TFDP2: variants seen among roughly 807,000 people sequenced by gnomAD.
The protein encoded by TFDP2 is transcription factor Dp-2, also known as transcription factor Dp-2 (E2F dimerization partner 2).
A neutral mutation model predicts 59.3 loss-of-function variants in TFDP2; 17 were observed. The ratio of observed to expected loss-of-function variants is 0.29; its 90% confidence interval spans 0.20 to 0.43. The LOEUF (loss-of-function observed/expected upper bound fraction) is 0.43, where lower values mean the gene tolerates loss of function less well. Ranked by LOEUF, TFDP2 falls within the 20% of genes least tolerant of loss-of-function variation. The probability of loss-of-function intolerance (pLI) is 1.00; values close to 1 mark genes in which losing one functional copy is unlikely to be tolerated. For missense variants in TFDP2, 391 were observed against 528.8 expected (o/e 0.74, Z 2.56); for synonymous variants, 180 against 194.7 (o/e 0.92, Z 0.63).
At chr3:142,055,800 G>C (rs1289121452) in intron 3 of TFDP2, among the ~76,000 whole-genome samples, 1 of 151,998 alleles carries the variant, frequency 6.6e-6, no homozygotes, top group Admixed American at 6.6e-5. Context: ...CTTGAATCTT[G>C]GAATTACTAG....
At position 142,134,979 on chromosome 3, in the gene TFDP2, T is replaced by C. The variant is rs528588315; in HGVS notation, c.-93+14204A>G. ...ATTTACCAGACATACCAATATCCCT[T>C]GTTCATAACAGCATCATTAGCCACA... On this transcript the variant is annotated intron_variant, in intron 1 of 12. Coordinates refer to ENST00000489671, the MANE Select transcript of TFDP2 (RefSeq NM_001178139.2). 2.0e-5 allele frequency among the ~76,000 whole-genome samples: 3 copies of C among 152,246 alleles called. No individual in the cohort carries two copies. In the East Asian group the frequency reaches 5.8e-4, roughly 29 times the overall value.
At position 142,071,795 on chromosome 3, in the gene TFDP2, C is replaced by T. The variant is rs912805892; in HGVS notation, c.82+21266G>A. 2.0e-5 allele frequency among the ~76,000 whole-genome samples: 3 copies of T among 152,180 alleles called. No individual in the cohort carries two copies. The East Asian group carries it at 5.8e-4, about 29-fold the overall frequency. On this transcript the variant is annotated intron_variant, in intron 3 of 12. Coordinates refer to ENST00000489671, the MANE Select transcript of TFDP2 (RefSeq NM_001178139.2). ...CTCTGTTTCTGGCTGGGATAAAGGG[C>T]AGGTGAAGGGGGACAGCAGATTTTG...
intron 4 of TFDP2, among the ~76,000 whole-genome samples, chr3:141,995,883 C>CA (rs146557075): frequency 0.081 from 5,461 of 67,040 alleles, 321 homozygotes; most frequent in Non-Finnish European, 0.13. Flanking sequence ...AACTCCATTT[C>CA]AAAAAAAAAA....
chr3:142,091,868 C>G (rs2061006269), intron 3 of TFDP2, among the ~76,000 whole-genome samples: 1 of 152,166 alleles, frequency 6.6e-6, no homozygotes, highest in African/African-American at 2.4e-5. Flanking sequence ...GGCCGCTCAC[C>G]TTCTGCTATG....
intron 3 of TFDP2, chr3:142,044,258 G>C (rs1174261686): frequency 4.6e-6 from 1 of 218,142 alleles, no homozygotes; most frequent in Non-Finnish European, 8.5e-6. Flanking sequence ...TTTTTGAGCC[G>C]GAGTCTCGCT....
At chr3:141,961,567 T>C (rs1050503364) in intron 10 of TFDP2, among the ~76,000 whole-genome samples, 1 of 152,124 alleles carries the variant, frequency 6.6e-6, no homozygotes, top group African/African-American at 2.4e-5. Context: ...TCTGAGACTA[T>C]GTTAATGGTC....
intron 7 of TFDP2, among the ~76,000 whole-genome samples, chr3:141,974,487 A>G (rs924984376): frequency 1.3e-5 from 2 of 152,204 alleles, no homozygotes; most frequent in African/African-American, 4.8e-5. Context: ...TTCAGGTAGA[A>G]GAAATATCAT....
At chr3:141,980,645 C>T (rs574934765) in intron 6 of TFDP2, among the ~76,000 whole-genome samples, 1 of 152,236 alleles carries the variant, frequency 6.6e-6, no homozygotes, top group East Asian at 1.9e-4. Context: ...AAGTGATTCT[C>T]CTGCTTCAGC....
chr3:142,071,212 A>C (rs2060237263), intron 3 of TFDP2, among the ~76,000 whole-genome samples: 2 of 151,786 alleles, frequency 1.3e-5, no homozygotes, highest in South Asian at 4.2e-4. Context: ...GCTGAAGTGC[A>C]GTGGCTGAAT....
intron 6 of TFDP2, among the ~76,000 whole-genome samples, chr3:141,990,679 A>G (rs1942668166): frequency 6.6e-6 from 1 of 152,098 alleles, no homozygotes; most frequent in South Asian, 2.1e-4. Flanking sequence ...TTGGAAAGAG[A>G]GGGTCTTGGT....
intron 9 of TFDP2, among the ~76,000 whole-genome samples, chr3:141,968,010 C>T (rs541746508): frequency 6.6e-6 from 1 of 151,522 alleles, no homozygotes; most frequent in East Asian, 1.9e-4. Context: ...GAAGAAATTC[C>T]AGGAGGGCCC....
intron 3 of TFDP2, among the ~76,000 whole-genome samples, chr3:142,017,548 CTTTTTTTTTTTTTTT>C (rs10535313): frequency 1.1e-5 from 1 of 87,240 alleles, no homozygotes; most frequent in African/African-American, 4.3e-5. Flanking sequence ...CAAAAATATT[CTTTTTTTTTTTTTTT>C]TTTTTTTGAG....
At chr3:141,958,948 T>C (rs930325016) in intron 11 of TFDP2, among the ~76,000 whole-genome samples, 2 of 95,056 alleles carry the variant, frequency 2.1e-5, no homozygotes, top group African/African-American at 8.9e-5. Context: ...ATGTACCTAC[T>C]TTTTTTTTTT....
intron 3 of TFDP2, among the ~76,000 whole-genome samples, chr3:142,025,879 G>A (rs985847090): frequency 1.3e-5 from 2 of 152,082 alleles, no homozygotes; most frequent in African/African-American, 4.8e-5. Flanking sequence ...AAGGAGAATC[G>A]CTTGAACCCA....
At position 141,952,361 on chromosome 3, in the gene TFDP2, C is replaced by T. The variant is rs1936019201; in HGVS notation, c.*152G>A. On this transcript the variant is annotated 3_prime_UTR_variant, in exon 13 of 13. Transcript: ENST00000489671. The stretch of plus-strand genomic sequence containing the variant: ...TAACTTTCATCTCAATCATCTCAGC[C>T]TTCATGTGATTTGCTTATTGTGTTT... 6.1e-6 allele frequency: 4 copies of T among 657,026 alleles called. No homozygotes were observed. Among genetic ancestry groups the T allele is most frequent in the Admixed American group, 7.6e-5 (2 of 26,230 alleles). The allele number at this position is 657,026 out of a possible 1,614,324, so 40.7% of individuals were successfully genotyped here.
chr3:141,965,541 GAGGGGAAGGGGAAGGGGGAGGGGA>G (rs1442872711), intron 9 of TFDP2, among the ~76,000 whole-genome samples: 3 of 138,166 alleles, frequency 2.2e-5, no homozygotes, highest in Non-Finnish European at 4.7e-5. Context: ...GAAGAGAAGG[GAGGGGAAGGGGAAGGGGGAGGGGA>G]AGGGGAAGGG....
At chr3:142,145,906 T>C (rs929925727) in intron 1 of TFDP2, among the ~76,000 whole-genome samples, 10 of 152,142 alleles carry the variant, frequency 6.6e-5, no homozygotes, top group Admixed American at 6.5e-4. Context: ...TTATGAGAAC[T>C]TGGAAACATA....
intron 1 of TFDP2, among the ~76,000 whole-genome samples, chr3:142,138,280 C>T (rs2062811276): frequency 6.6e-6 from 1 of 152,114 alleles, no homozygotes; most frequent in East Asian, 1.9e-4. Context: ...ATTAGTCTTG[C>T]TAGCGGTCTA....
intron 2 of TFDP2, among the ~76,000 whole-genome samples, chr3:142,095,865 T>A: frequency 6.6e-6 from 1 of 152,196 alleles, no homozygotes; most frequent in East Asian, 1.9e-4. Flanking sequence ...CTTTAATAAA[T>A]TCCATGCTTG....
Sources: gnomAD v4.1 joint callset for allele counts (sites outside exome capture counted in the v4.1 genomes callset) on GRCh38, gnomAD v4.1.1 for gene constraint, MANE v1.5 for transcripts, NCBI Gene and HGNC (gene_info 2026-07-23, HGNC 2026-07-21) for gene names.